The following PRELID2 variants were observed in gnomAD, a reference collection of about 807,000 sequenced individuals.
PRELID2 encodes PRELI domain containing 2.
PRELID2 carries 25 observed loss-of-function variants against 28.4 expected under a neutral mutation model. The observed-to-expected ratio is 0.88, with a 90% confidence interval of 0.64 to 1.23. The LOEUF (loss-of-function observed/expected upper bound fraction) is 1.23, where lower values mean the gene tolerates loss of function less well. Among genes scored for constraint, PRELID2 ranks in the 50% most tolerant of loss-of-function variants. The probability of loss-of-function intolerance (pLI) is 0.00; values close to 1 mark genes in which losing one functional copy is unlikely to be tolerated. For missense variants in PRELID2, 201 were observed against 214.4 expected, an observed-to-expected ratio of 0.94 and a Z score of 0.39; for synonymous variants, 76 against 71.6, an observed-to-expected ratio of 1.06 and a Z score of -0.31.
the PRELID2 span, among the ~76,000 whole-genome samples, chr5:145,414,008 A>G: frequency 6.6e-6 from 1 of 152,212 alleles, no homozygotes; most frequent in East Asian, 1.9e-4. Flanking sequence ...TAATTGCTCT[A>G]AGAAAAGGGA....
chr5:145,345,091 A>T, the PRELID2 span, among the ~76,000 whole-genome samples: 15 of 152,232 alleles, frequency 9.9e-5, no homozygotes, highest in East Asian at 2.9e-3. Context: ...AATTTAAACA[A>T]ATACTCACCA....
chr5:145,575,793 G>A (rs10515551), intron 1 of PRELID2, among the ~76,000 whole-genome samples: 32,212 of 152,006 alleles, frequency 0.21, 6,334 homozygotes, highest in African/African-American at 0.51. Context: ...CATATATTGC[G>A]TCTGGAACAG....
chr5:145,550,957 C>T (rs774204434), intron 1 of PRELID2, among the ~76,000 whole-genome samples: 2 of 152,066 alleles, frequency 1.3e-5, no homozygotes, highest in Non-Finnish European at 2.9e-5. Flanking sequence ...ATACCATTGT[C>T]GTGACTACAT....
chr5:145,258,682 CTT>C, the PRELID2 span, among the ~76,000 whole-genome samples: 6 of 152,194 alleles, frequency 3.9e-5, no homozygotes, highest in Middle Eastern at 3.4e-3. Flanking sequence ...AAAGTTGAAA[CTT>C]ATATTTAAAA....
At chr5:145,411,763 T>A in the PRELID2 span, among the ~76,000 whole-genome samples, 7 of 152,208 alleles carry the variant, frequency 4.6e-5, no homozygotes, top group African/African-American at 1.7e-4. Flanking sequence ...AGGTTCTCCA[T>A]GAGGGCTCCA....
chr5:145,827,797 G>A (rs774586569), intron 1 of PRELID2, among the ~76,000 whole-genome samples: 10 of 152,120 alleles, frequency 6.6e-5, no homozygotes, highest in Non-Finnish European at 8.8e-5. Context: ...CTGAGGAACC[G>A]TCCTACACTG....
chr5:145,765,058 A>C, intron 5 of PRELID2, 58 bp from the exon 6 acceptor site: 1 of 1,181,826 alleles, frequency 8.5e-7, no homozygotes, highest in Non-Finnish European at 1.2e-6. Context: ...GTACTTTTAC[A>C]TTTATCACAA....
intron 1 of PRELID2, among the ~76,000 whole-genome samples, chr5:145,571,687 A>T (rs572064597): frequency 3.4e-4 from 51 of 152,224 alleles, no homozygotes; most frequent in African/African-American, 1.2e-3. Context: ...AAATATTTAC[A>T]ATCTATTTTT....
At chr5:145,495,057 T>C (rs1019567600) in intron 1 of PRELID2, among the ~76,000 whole-genome samples, 1 of 152,232 alleles carries the variant, frequency 6.6e-6, no homozygotes, top group African/African-American at 2.4e-5. Context: ...AGAAGTGGTC[T>C]ATGCTCACTG....
chr5:145,826,761 G>A (rs1755220868), intron 1 of PRELID2, among the ~76,000 whole-genome samples: 1 of 151,986 alleles, frequency 6.6e-6, no homozygotes, highest in Admixed American at 6.6e-5. Flanking sequence ...AAAAGTTAGA[G>A]GCAAGAAACT....
intron 1 of PRELID2, among the ~76,000 whole-genome samples, chr5:145,716,851 G>A (rs1172488206): frequency 6.6e-6 from 1 of 152,112 alleles, no homozygotes; most frequent in African/African-American, 2.4e-5. Context: ...TTTTTAGAGT[G>A]TGTCCTATTA....
chr5:145,404,402 C>T, the PRELID2 span, among the ~76,000 whole-genome samples: 2 of 152,108 alleles, frequency 1.3e-5, no homozygotes, highest in Admixed American at 6.6e-5. Flanking sequence ...TGCCTCTTCC[C>T]CAGCTGTGTG....
intron 1 of PRELID2, among the ~76,000 whole-genome samples, chr5:145,535,071 G>A (rs1752687642): frequency 6.6e-6 from 1 of 151,750 alleles, no homozygotes; most frequent in Non-Finnish European, 1.5e-5. Flanking sequence ...CCTTGCATAG[G>A]CTTAGGACTC....
At chr5:145,334,990 A>G in the PRELID2 span, among the ~76,000 whole-genome samples, 6 of 152,026 alleles carry the variant, frequency 3.9e-5, no homozygotes, top group South Asian at 1.2e-3. Flanking sequence ...GAGGTATATA[A>G]ACCTGGACAT....
intron 5 of PRELID2, among the ~76,000 whole-genome samples, chr5:145,771,905 G>C (rs990568820): frequency 2.4e-4 from 36 of 152,030 alleles, no homozygotes; most frequent in African/African-American, 8.7e-4. Flanking sequence ...TGCATGGGAG[G>C]AAGGAAGAGA....
chr5:145,444,470 C>T, the PRELID2 span, among the ~76,000 whole-genome samples: 40 of 151,994 alleles, frequency 2.6e-4, no homozygotes, highest in Non-Finnish European at 4.6e-4. Context: ...GGTCCCCACA[C>T]TGTCATTTTT....
the PRELID2 span, among the ~76,000 whole-genome samples, chr5:145,443,571 T>C: frequency 6.6e-6 from 1 of 152,106 alleles, no homozygotes; most frequent in Admixed American, 6.6e-5. Flanking sequence ...TAGGGTCCTT[T>C]GCTAAGAATA....
Position 145,682,021 on chromosome 5 carries a change from A to G in PRELID2, n.70+82910T>C, listed in dbSNP as rs1379512310. Reference sequence around the variant, plus strand: ...TGCAATAATTGCATATTCATTAGACAAATTAGTTCTAGATTATTTTTAAAA... The same window carrying G: ...TGCAATAATTGCATATTCATTAGACGAATTAGTTCTAGATTATTTTTAAAA... On this transcript the variant is annotated intron_variant and non_coding_transcript_variant, in intron 1 of 2. Transcript: ENST00000510259. Among the ~76,000 whole-genome samples the G allele has an allele frequency of 4.6e-5, 7 of 152,332 alleles. No homozygotes were observed. The East Asian group carries it at 1.4e-3, about 29-fold the overall frequency.
the PRELID2 span, among the ~76,000 whole-genome samples, chr5:145,405,885 T>C: frequency 3.9e-5 from 6 of 151,972 alleles, no homozygotes; most frequent in East Asian, 1.2e-3. Flanking sequence ...TTTTGTATTT[T>C]TAGTAGAGAC....
Sources: gnomAD v4.1 joint callset for allele counts (sites outside exome capture counted in the v4.1 genomes callset) on GRCh38, gnomAD v4.1.1 for gene constraint, MANE v1.5 for transcripts, NCBI Gene and HGNC (gene_info 2026-07-23, HGNC 2026-07-21) for gene names.